PPP2R5E: variants seen among roughly 807,000 people sequenced by gnomAD.
PPP2R5E encodes the protein protein phosphatase 2 regulatory subunit B'epsilon.
Under a neutral mutation model 65.3 loss-of-function variants are expected in PPP2R5E, and 4 were observed. That is an observed-to-expected ratio of 0.06 (90% CI 0.03 to 0.14). The LOEUF is 0.14. PPP2R5E is among the 10% of genes least tolerant of loss of function. The pLI is 1.00. For synonymous variants in PPP2R5E, 183 were observed against 187.4 expected (o/e 0.98, Z 0.19); for missense variants, 274 against 556.1 (o/e 0.49, Z 5.10).
intron 2 of PPP2R5E, among the ~76,000 whole-genome samples, chr14:63,500,968 ATT>A (rs1203637956): frequency 6.6e-6 from 1 of 152,234 alleles, no homozygotes; most frequent in Non-Finnish European, 1.5e-5. Flanking sequence ...ATGTTAACTC[ATT>A]TAATTCTTAC....
chr14:63,471,540 GTAAGCACT>G (rs1472062675), intron 2 of PPP2R5E, among the ~76,000 whole-genome samples: 1 of 152,116 alleles, frequency 6.6e-6, no homozygotes, highest in Non-Finnish European at 1.5e-5. Context: ...TAAAAACTTA[GTAAGCACT>G]TACTCTGTGG....
At chr14:63,505,413 T>C (rs10148041) in intron 2 of PPP2R5E, among the ~76,000 whole-genome samples, 19,179 of 152,160 alleles carry the variant, frequency 0.13, 1,348 homozygotes, top group East Asian at 0.21. Context: ...CACTTTAAAA[T>C]TGAAGAAATC....
intron 3 of PPP2R5E, among the ~76,000 whole-genome samples, chr14:63,440,001 C>T (rs767517533): frequency 1.3e-5 from 2 of 152,150 alleles, no homozygotes; most frequent in African/African-American, 2.4e-5. Context: ...TGGGTCCTAC[C>T]AATTCAACAC....
At chr14:63,406,856 T>C (rs1157258151) in intron 5 of PPP2R5E, among the ~76,000 whole-genome samples, 1 of 152,236 alleles carries the variant, frequency 6.6e-6, no homozygotes, top group Non-Finnish European at 1.5e-5. Context: ...TAGAGTTGAA[T>C]GGATACCAAT....
chr14:63,385,702 T>C (rs1884623366), intron 11 of PPP2R5E, among the ~76,000 whole-genome samples: 1 of 152,184 alleles, frequency 6.6e-6, no homozygotes, highest in South Asian at 2.1e-4. Flanking sequence ...ATTGTGCTCA[T>C]TTTACAGGTG....
chr14:63,432,280 C>T (rs1887714994), intron 3 of PPP2R5E, among the ~76,000 whole-genome samples: 1 of 152,052 alleles, frequency 6.6e-6, no homozygotes, highest in African/African-American at 2.4e-5. Context: ...GTTATTGCTG[C>T]TTACTGCTGT....
chr14:63,381,721 A>C (rs1884373678), intron 13 of PPP2R5E, among the ~76,000 whole-genome samples: 1 of 152,214 alleles, frequency 6.6e-6, no homozygotes, highest in African/African-American at 2.4e-5. Context: ...AGGGTTGAAA[A>C]AGGCCTACTG....
At chr14:63,389,141 T>TA (rs202154627) in intron 11 of PPP2R5E, among the ~76,000 whole-genome samples, 3,546 of 152,146 alleles carry the variant, frequency 0.023, 93 homozygotes, top group African/African-American at 0.065. Flanking sequence ...ATTTTTTTTT[T>TA]TTTTTCATCT....
intron 5 of PPP2R5E, among the ~76,000 whole-genome samples, chr14:63,403,854 G>T (rs1885909156): frequency 6.6e-6 from 1 of 152,016 alleles, no homozygotes. Flanking sequence ...TGAACAACAT[G>T]TATACAATAG....
chr14:63,507,575 CT>C (rs756154248), intron 2 of PPP2R5E, among the ~76,000 whole-genome samples: 3,223 of 105,508 alleles, frequency 0.031, 49 homozygotes, highest in African/African-American at 0.11. Flanking sequence ...GGGTAATTCT[CT>C]TTTTTTTTTT....
At chr14:63,540,552 TAAA>T (rs779614014) in intron 1 of PPP2R5E, among the ~76,000 whole-genome samples, 3 of 130,218 alleles carry the variant, frequency 2.3e-5, no homozygotes, top group African/African-American at 8.5e-5. Flanking sequence ...CCATCTCTAA[TAAA>T]AAAAAAAAAA....
intron 2 of PPP2R5E, among the ~76,000 whole-genome samples, chr14:63,519,486 A>T (rs1892798096): frequency 6.8e-6 from 1 of 148,050 alleles, no homozygotes; most frequent in African/African-American, 2.5e-5. Context: ...GATTACAGGC[A>T]CACACCACCA....
intron 5 of PPP2R5E, among the ~76,000 whole-genome samples, chr14:63,403,101 T>A (rs1885850092): frequency 6.6e-6 from 1 of 152,108 alleles, no homozygotes; most frequent in African/African-American, 2.4e-5. Flanking sequence ...CTGGGAAAGT[T>A]CCAAATTTAC....
intron 3 of PPP2R5E, among the ~76,000 whole-genome samples, chr14:63,435,040 T>A (rs932095119): frequency 5.9e-5 from 9 of 152,066 alleles, no homozygotes; most frequent in African/African-American, 2.2e-4. Context: ...TACATCATAA[T>A]GATAATGTAT....
At chr14:63,383,749 A>G (rs1453835594) in intron 12 of PPP2R5E, among the ~76,000 whole-genome samples, 1 of 152,180 alleles carries the variant, frequency 6.6e-6, no homozygotes, top group Non-Finnish European at 1.5e-5. Context: ...ATTCAAATTC[A>G]GAATGCTTTA....
chr14:63,430,373 G>GCATACATACATACATACATACATA (rs1402372223), intron 3 of PPP2R5E, among the ~76,000 whole-genome samples: 3,098 of 126,574 alleles, frequency 0.024, 102 homozygotes, highest in African/African-American at 0.091. Flanking sequence ...ATACATACAT[G>GCATACATACATACATACATACATA]CATGCATACA....
In PPP2R5E at chr14:63,374,315, C is replaced by T. The variant is rs1883857797; in HGVS notation, c.*1694G>A. On this transcript the variant is annotated 3_prime_UTR_variant, in exon 14 of 14. Transcript: ENST00000337537. Reference sequence around the variant, plus strand: ...ATGTAAGGAAGAAAATATACAAGCCCATATTTATATTGTATTTCTATTAAG... The same window carrying T: ...ATGTAAGGAAGAAAATATACAAGCCTATATTTATATTGTATTTCTATTAAG... 1 of 151,570 alleles carries T rather than the reference C, an allele frequency of 6.6e-6. No homozygotes were observed. Among genetic ancestry groups the T allele is most frequent in the African/African-American group, 2.4e-5 (1 of 41,262 alleles). 9.4% of individuals were successfully genotyped at this position (151,570 alleles called of 1,614,324 possible). A position where few individuals can be genotyped will look rare whatever the true frequency, so the allele number is the denominator to read the frequency against.
chr14:63,506,552 T>C (rs1892192145), intron 2 of PPP2R5E, among the ~76,000 whole-genome samples: 1 of 152,082 alleles, frequency 6.6e-6, no homozygotes, highest in Non-Finnish European at 1.5e-5. Context: ...AAATGGCCAG[T>C]AAGAACATGC....
At chr14:63,396,422 G>T (rs568914309) in intron 6 of PPP2R5E, among the ~76,000 whole-genome samples, 164 bp downstream of exon 6, 1 of 136,402 alleles carries the variant, frequency 7.3e-6, no homozygotes, top group Non-Finnish European at 1.6e-5. Flanking sequence ...GAGAGGAGGG[G>T]GAGGGGGTAG....
Sources: allele counts gnomAD v4.1 joint callset (sites outside exome capture counted in the v4.1 genomes callset), GRCh38; gene constraint gnomAD v4.1.1; transcripts MANE v1.5; gene names NCBI Gene and HGNC (gene_info 2026-07-23, HGNC 2026-07-21).